CSTF1: variants seen among roughly 807,000 people sequenced by gnomAD.
CSTF1 encodes the protein cleavage stimulation factor subunit 1.
A neutral mutation model predicts 40.9 loss-of-function variants in CSTF1; 2 were observed. That is an observed-to-expected ratio of 0.05 (90% confidence interval 0.02 to 0.15). CSTF1 has a LOEUF of 0.15. Ranked by LOEUF, CSTF1 falls within the 10% of genes least tolerant of loss-of-function variation. The probability of loss-of-function intolerance (pLI) is 1.00; values close to 1 mark genes in which losing one functional copy is unlikely to be tolerated. For synonymous variants in CSTF1, 218 were observed against 207.2 expected (o/e 1.05, Z -0.45); for missense variants, 279 against 558.9 (o/e 0.50, Z 5.05).
At chr20:56,401,414 T>A (rs1377478644) in intron 5 of CSTF1, among the ~76,000 whole-genome samples, 1 of 152,242 alleles carries the variant, frequency 6.6e-6, no homozygotes, top group Non-Finnish European at 1.5e-5. Flanking sequence ...CTTAAAGATT[T>A]ATATTATCTA....
Position 56,403,941 on chromosome 20 carries a change from C to A in CSTF1, c.*214C>A. Reference sequence around the variant, plus strand: ...ACACAGATCTGTGCAGTTCTACATTCACTGATTATTACAGTGTGATTTTCA... The same window carrying A: ...ACACAGATCTGTGCAGTTCTACATTAACTGATTATTACAGTGTGATTTTCA... On this transcript the variant is annotated 3_prime_UTR_variant, in exon 6 of 6. Coordinates refer to ENST00000217109, the MANE Select transcript of CSTF1 (RefSeq NM_001324.3). 1 of 541,576 alleles carries A rather than the reference C, an allele frequency of 1.8e-6. No individual in the cohort carries two copies. The highest frequency in any genetic ancestry group is 2.8e-5 in the South Asian group (1 of 35,708). The allele number at this position is 541,576 out of a possible 1,614,324, so 33.5% of individuals were successfully genotyped here.
chr20:56,396,634 C>A (rs1987526694), intron 2 of CSTF1, among the ~76,000 whole-genome samples: 1 of 152,072 alleles, frequency 6.6e-6, no homozygotes, highest in Admixed American at 6.6e-5. Flanking sequence ...TGGTAAAATT[C>A]AAGGTCATTT....
chr20:56,397,862 G>T lies in CSTF1; in HGVS notation c.645+21G>T. 2 of 1,566,276 alleles carry T rather than the reference G, an allele frequency of 1.3e-6. No homozygotes were observed. Among genetic ancestry groups the T allele is most frequent in the Non-Finnish European group, 1.8e-6 (2 of 1,142,324 alleles). ...TTCAGGTAGGAATCTTTAGAAAGGA[G>T]CTTTACATTTTTTCTTAAATACAAT... On this transcript the variant is annotated intron_variant, in intron 4 of 5. Transcript: ENST00000217109. The surrounding 1 kb of genome is among the most constrained non-coding windows in gnomAD (Gnocchi z 4.4).
At chr20:56,401,264 A>G (rs1978438037) in intron 5 of CSTF1, among the ~76,000 whole-genome samples, 1 of 152,174 alleles carries the variant, frequency 6.6e-6, no homozygotes, top group Admixed American at 6.5e-5. Context: ...ATGAGTCCAA[A>G]CTCGAGAAAA....
rs1252155372 is a variant in CSTF1 at position 56,399,095 on chromosome 20, A to T, written c.774A>T (p.Gln258His). ...AATGTTTTGTCTCTTGCAATCCTCA[A>T]GATCAACACACCGATGCTATATGTT... ...TFQCFVSCNP[Q>H]DQHTDAICSV... The change falls in exon 5 of 6, where the codon CAA (glutamine) becomes CAT (histidine). Residue 258 changes from glutamine (Q) to histidine (H), a missense_variant. By Grantham distance (24) the Gln-to-His change is conservative. Transcript: ENST00000217109. The surrounding 1 kb of genome is among the most constrained non-coding windows in gnomAD (Gnocchi z 4.6). 2 of 1,614,218 alleles carry T rather than the reference A, an allele frequency of 1.2e-6. No individual in the cohort carries two copies. The highest frequency in any genetic ancestry group is 1.6e-4 in the Middle Eastern group (1 of 6,062).
rs1418406786 is a variant in CSTF1, at chr20:56,404,161, T to G, written c.*434T>G. ...ATAAGCAGGCATGCAGCTCTGAGAC[T>G]CCTGAGTTTTATGCCATTATCAAAA... On this transcript the variant is annotated 3_prime_UTR_variant, in exon 6 of 6. Coordinates refer to ENST00000217109, the MANE Select transcript of CSTF1 (RefSeq NM_001324.3). The G allele has an allele frequency of 6.4e-6, 1 of 156,792 alleles. No homozygotes were observed. The highest frequency in any genetic ancestry group is 1.4e-5 in the Non-Finnish European group (1 of 71,010). The allele number at this position is 156,792 out of a possible 1,614,324, so 9.7% of individuals were successfully genotyped here.
chr20:56,405,687 C>T lies in CSTF1; in HGVS notation c.*1960C>T, dbSNP rs1323931755. On this transcript the variant is annotated 3_prime_UTR_variant, in exon 6 of 6. Coordinates refer to ENST00000217109, the MANE Select transcript of CSTF1 (RefSeq NM_001324.3). ...TTGATGCATATTTCCAGTTGAATTC[C>T]AGTGTGAATTTCCAGTTGTACTTTG... 3.3e-5 allele frequency: 5 copies of T among 152,128 alleles called. No homozygotes were observed. The highest frequency in any genetic ancestry group is 2.1e-4 in the South Asian group (1 of 4,832). The allele number at this position is 152,128 out of a possible 1,614,324, so 9.4% of individuals were successfully genotyped here.
At chr20:56,401,289 CA>C (rs1316080200) in intron 5 of CSTF1, among the ~76,000 whole-genome samples, 1 of 152,068 alleles carries the variant, frequency 6.6e-6, no homozygotes, top group East Asian at 1.9e-4. Flanking sequence ...AGCCAAAGGA[CA>C]GGGGGCTGCA....
In CSTF1 at chr20:56,395,738, A is replaced by G; in HGVS notation, c.169+17A>G. The G allele has an allele frequency of 1.9e-6, 3 of 1,609,884 alleles. No individual in the cohort carries two copies. Among genetic ancestry groups the G allele is most frequent in the Non-Finnish European group, 2.5e-6 (3 of 1,178,142 alleles). ...TCAAACTCGGTAGATTGTGAACACA[A>G]ATCCATACGTCCCATGGCAAGGTTT... On this transcript the variant is annotated intron_variant, in intron 2 of 5. Coordinates refer to ENST00000217109, the MANE Select transcript of CSTF1 (RefSeq NM_001324.3).
chr20:56,400,369 C>G (rs1978398787), intron 5 of CSTF1, among the ~76,000 whole-genome samples: 1 of 152,080 alleles, frequency 6.6e-6, no homozygotes, highest in Admixed American at 6.6e-5. Context: ...TAAAGTTGTT[C>G]TGAAAAGTAT....
chr20:56,398,645 C>T (rs141625592), intron 4 of CSTF1, among the ~76,000 whole-genome samples: 4 of 152,276 alleles, frequency 2.6e-5, no homozygotes, highest in African/African-American at 9.6e-5. Flanking sequence ...CTCTTAGGTA[C>T]AAGTTGTACT....
rs957931365 is a variant in CSTF1, at chr20:56,399,953, A to G, written c.1036+596A>G. 2.6e-5 allele frequency among the ~76,000 whole-genome samples: 4 copies of G among 152,168 alleles called. No individual in the cohort carries two copies. Among genetic ancestry groups the G allele is most frequent in the African/African-American group, 9.7e-5 (4 of 41,432 alleles). On this transcript the variant is annotated intron_variant, in intron 5 of 5. Coordinates refer to ENST00000217109, the MANE Select transcript of CSTF1 (RefSeq NM_001324.3). This position sits in a 1 kb window ranked among gnomAD's most constrained non-coding sequence, Gnocchi z 4.6. ...AATGAAATCCATTTAAATTTATCCT[A>G]TCACTAGTAGGGCCCAAGTCTGGTT...
At position 56,405,388 on chromosome 20, in the gene CSTF1, T is replaced by A. The variant is rs898099090; in HGVS notation, c.*1661T>A. ...TGCCCGGCTAATTTTGTATTTTTTT[T>A]AGTAGAGACGGGGTTTCTCCATGTT... is the stretch of plus-strand genomic sequence containing the variant. On this transcript the variant is annotated 3_prime_UTR_variant, in exon 6 of 6. Transcript: ENST00000217109. 1 of 151,822 alleles carries A rather than the reference T, an allele frequency of 6.6e-6. No individual in the cohort carries two copies. Among genetic ancestry groups the A allele is most frequent in the African/African-American group, 2.4e-5 (1 of 41,316 alleles). The allele number at this position is 151,822 out of a possible 1,614,324, so 9.4% of individuals were successfully genotyped here.
rs1382128052 is a variant in CSTF1 at position 56,404,343 on chromosome 20, C to T, written c.*616C>T. On this transcript the variant is annotated 3_prime_UTR_variant, in exon 6 of 6. Coordinates refer to ENST00000217109, the MANE Select transcript of CSTF1 (RefSeq NM_001324.3). The stretch of plus-strand genomic sequence containing the variant: ...AGGAACAGTATCTTTCAACATACTC[C>T]CTACATTATCCTTCAATATCTGCAA... The T allele has an allele frequency of 6.6e-6, 1 of 152,160 alleles. No individual in the cohort carries two copies. The highest frequency in any genetic ancestry group is 2.4e-5 in the African/African-American group (1 of 41,418). The allele number at this position is 152,160 out of a possible 1,614,324, so 9.4% of individuals were successfully genotyped here. A position where few individuals can be genotyped will look rare whatever the true frequency, so the allele number is the denominator to read the frequency against.
chr20:56,394,456 G>C (rs1334682864), intron 1 of CSTF1, among the ~76,000 whole-genome samples: 3 of 152,202 alleles, frequency 2.0e-5, no homozygotes, highest in Admixed American at 6.5e-5. Flanking sequence ...GTGTGGTGGC[G>C]GGCGCCTGTA....
Position 56,397,278 on chromosome 20 carries a change from A to T in CSTF1, c.241A>T (p.Ile81Phe). ...RSDTVAPGTGIDLEFDADVQT... is the reference protein window; with the variant it reads ...RSDTVAPGTGFDLEFDADVQT... ...AGATACTGTTGCCCCTGGCACAGGGATTGACCTGGAATTTGATGCAGATGT... is the reference window on the plus strand; with the variant it reads ...AGATACTGTTGCCCCTGGCACAGGGTTTGACCTGGAATTTGATGCAGATGT... The change falls in exon 3 of 6, where the codon ATT becomes TTT. Residue 81 changes from isoleucine to phenylalanine, a missense_variant. This residue lies in a region of CSTF1 where 66 missense variants were observed against 148.0 expected (regional missense o/e 0.45). Coordinates refer to ENST00000217109, the MANE Select transcript of CSTF1 (RefSeq NM_001324.3). This position sits in a 1 kb window ranked among gnomAD's most constrained non-coding sequence, Gnocchi z 4.4. The T allele has an allele frequency of 6.2e-7, 1 of 1,614,232 alleles. No individual in the cohort carries two copies. The highest frequency in any genetic ancestry group is 8.5e-7 in the Non-Finnish European group (1 of 1,180,036).
rs764526131 is a variant in CSTF1, at chr20:56,395,510, C to T, written c.-32-11C>T. 1.3e-5 allele frequency: 21 copies of T among 1,584,510 alleles called. No homozygotes were observed. Among genetic ancestry groups the T allele is most frequent in the African/African-American group, 1.1e-4 (8 of 74,250 alleles). ...CCTGTACCCTTCACCGTCCATTTTC[C>T]GTTTTTGCAGCTGGCAGGGAAACTG... On this transcript the variant is annotated splice_polypyrimidine_tract_variant and intron_variant, in intron 1 of 5. Transcript: ENST00000217109.
At chr20:56,401,318 G>A (rs1007488820) in intron 5 of CSTF1, among the ~76,000 whole-genome samples, 4 of 152,158 alleles carry the variant, frequency 2.6e-5, no homozygotes, top group African/African-American at 9.7e-5. Flanking sequence ...AAAATGGTCA[G>A]GAAATGTAAG....
In CSTF1 at chr20:56,405,897, T is replaced by G. The variant is rs533185336; in HGVS notation, c.*2170T>G. The stretch of plus-strand genomic sequence containing the variant: ...ACCTCTTAAACTGTAAAGGAGAGAT[T>G]TAATGTTTCCCTATTATTCTGCTTT... On this transcript the variant is annotated 3_prime_UTR_variant, in exon 6 of 6. Transcript: ENST00000217109. The G allele has an allele frequency of 6.6e-6, 1 of 152,352 alleles. No individual in the cohort carries two copies. The highest frequency in any genetic ancestry group is 2.1e-4 in the South Asian group (1 of 4,834). The allele number at this position is 152,352 out of a possible 1,614,324, so 9.4% of individuals were successfully genotyped here.
Sources: allele counts gnomAD v4.1 joint callset (sites outside exome capture counted in the v4.1 genomes callset), GRCh38; gene constraint gnomAD v4.1.1; regional missense constraint gnomAD v4.1.1; non-coding constraint Gnocchi (gnomAD v3.1); transcripts MANE v1.5; gene names NCBI Gene and HGNC (gene_info 2026-07-23, HGNC 2026-07-21).